LMBR1: variants seen among roughly 807,000 people sequenced by gnomAD.
The protein encoded by LMBR1 is limb region 1 protein homolog.
A neutral mutation model predicts 73.9 loss-of-function variants in LMBR1; 52 were observed. The ratio of observed to expected loss-of-function variants is 0.70; its 90% CI spans 0.56 to 0.89. LMBR1 has a LOEUF of 0.89. LMBR1 is among the 40% of genes least tolerant of loss of function. The pLI is 0.00. For missense variants in LMBR1, 539 were observed against 579.8 expected, an observed-to-expected ratio of 0.93 and a Z score of 0.72; for synonymous variants, 215 against 209.4, an observed-to-expected ratio of 1.03 and a Z score of -0.23.
At chr7:156,835,834 T>C (rs1474435707) in intron 2 of LMBR1, among the ~76,000 whole-genome samples, 1 of 152,206 alleles carries the variant, frequency 6.6e-6, no homozygotes, top group Non-Finnish European at 1.5e-5. Flanking sequence ...ACTCTAAAAA[T>C]GATCTAATAA....
rs539651459 is a variant in LMBR1, at chr7:156,792,837, AG to A, written c.423+3551del. Among the ~76,000 whole-genome samples the A allele has an allele frequency of 1.8e-4, 27 of 151,922 alleles. No homozygotes were observed. Among genetic ancestry groups the A allele is most frequent in the Non-Finnish European group, 3.7e-4 (25 of 67,946 alleles). Reference sequence around the variant, plus strand: ...TCGATTGCCCAGGGGAATCCATGGGAGTAGAGTGGGGCCATATGCCATTTAG... The same window carrying A: ...TCGATTGCCCAGGGGAATCCATGGGATAGAGTGGGGCCATATGCCATTTAG... On this transcript the variant is annotated intron_variant, in intron 5 of 16. Coordinates refer to ENST00000353442, the MANE Select transcript of LMBR1 (RefSeq NM_022458.4).
chr7:156,739,963 A>C (rs1417691458), intron 9 of LMBR1, among the ~76,000 whole-genome samples: 1 of 152,190 alleles, frequency 6.6e-6, no homozygotes, highest in Non-Finnish European at 1.5e-5. Context: ...ACAGAATTCA[A>C]AATGGCTGTT....
intron 4 of LMBR1, among the ~76,000 whole-genome samples, chr7:156,812,463 T>C (rs1833255603): frequency 6.6e-6 from 1 of 151,954 alleles, no homozygotes; most frequent in Non-Finnish European, 1.5e-5. Context: ...GGGTATCACA[T>C]GGAAGAGAAA....
chr7:156,884,123 T>C (rs1222169628), intron 1 of LMBR1, among the ~76,000 whole-genome samples: 1 of 152,220 alleles, frequency 6.6e-6, no homozygotes, highest in African/African-American at 2.4e-5. Flanking sequence ...TTGGATTTGT[T>C]TCTAATACAT....
intron 2 of LMBR1, among the ~76,000 whole-genome samples, chr7:156,835,706 A>C (rs1372283557): frequency 6.6e-6 from 1 of 152,110 alleles, no homozygotes; most frequent in Non-Finnish European, 1.5e-5. Flanking sequence ...AAAAAAAAAA[A>C]AAAAAAACAT....
At chr7:156,781,249 T>G (rs1267343560) in intron 5 of LMBR1, among the ~76,000 whole-genome samples, 1 of 152,220 alleles carries the variant, frequency 6.6e-6, no homozygotes, top group East Asian at 1.9e-4. Context: ...AACATCATAT[T>G]GCTTATGTGG....
intron 9 of LMBR1, among the ~76,000 whole-genome samples, chr7:156,744,137 G>T (rs763535665): frequency 6.6e-6 from 1 of 152,022 alleles, no homozygotes; most frequent in African/African-American, 2.4e-5. Context: ...CGAACTTCTG[G>T]GCTCGAGCGT....
chr7:156,848,743 G>A (rs558226028), intron 1 of LMBR1, among the ~76,000 whole-genome samples: 2 of 152,036 alleles, frequency 1.3e-5, no homozygotes, highest in East Asian at 1.9e-4. Context: ...AACAACCTGG[G>A]ATCATGGTGA....
chr7:156,831,275 ATTTT>A (rs10633275), intron 3 of LMBR1, among the ~76,000 whole-genome samples: 3 of 127,982 alleles, frequency 2.3e-5, no homozygotes, highest in Non-Finnish European at 3.2e-5. Context: ...CCTACCCTAG[ATTTT>A]TTTTTTTTTT....
Position 156,834,796 on chromosome 7 carries a change from T to TATATTG in LMBR1, c.140-1005_140-1004insCAATAT, listed in dbSNP as rs1837308651. Among the ~76,000 whole-genome samples the TATATTG allele has an allele frequency of 2.0e-5, 3 of 151,488 alleles. No individual in the cohort carries two copies. In the South Asian group the frequency reaches 6.3e-4, roughly 32 times the overall value. ...CCTTCTCGCTCATGCCTGTCAGCAATCTCTTTTGTCCTCCCACATAAACTT... is the reference window on the plus strand; with the variant it reads ...CCTTCTCGCTCATGCCTGTCAGCAATATATTGCTCTTTTGTCCTCCCACATAAACTT... On this transcript the variant is annotated intron_variant, in intron 2 of 16. Transcript: ENST00000353442.
At position 156,734,457 on chromosome 7, in the gene LMBR1, CCA is replaced by C. The variant is rs752357875; in HGVS notation, c.758-202_758-201del. Among the ~76,000 whole-genome samples, 134 of 152,232 alleles carry C rather than the reference CCA, an allele frequency of 8.8e-4. 1 individual carries two copies. Among genetic ancestry groups the C allele is most frequent in the Non-Finnish European group, 1.1e-3 (76 of 68,020 alleles). The stretch of plus-strand genomic sequence containing the variant: ...CTTGCTGATTAAACACTACACGTTT[CCA>C]CAGAGTGATATAATGGACTATGGAG... On this transcript the variant is annotated intron_variant, in intron 9 of 16. Coordinates refer to ENST00000353442, the MANE Select transcript of LMBR1 (RefSeq NM_022458.4).
At chr7:156,748,804 T>C (rs556816644) in intron 9 of LMBR1, among the ~76,000 whole-genome samples, 1 of 152,302 alleles carries the variant, frequency 6.6e-6, no homozygotes, top group Non-Finnish European at 1.5e-5. Flanking sequence ...GGATCATTTT[T>C]ATAGAATAAC....
intron 9 of LMBR1, among the ~76,000 whole-genome samples, chr7:156,746,443 G>A (rs1357803422): frequency 1.3e-5 from 2 of 152,186 alleles, no homozygotes; most frequent in Non-Finnish European, 2.9e-5. Context: ...TATGTTTACA[G>A]AGCTCAATAC....
chr7:156,838,305 A>G (rs1173858913), intron 1 of LMBR1, among the ~76,000 whole-genome samples: 2 of 152,162 alleles, frequency 1.3e-5, no homozygotes, highest in African/African-American at 4.8e-5. Context: ...ATGTTATACA[A>G]TAGATTTTGA....
downstream of LMBR1, among the ~76,000 whole-genome samples, chr7:156,674,134 C>T (rs952979897): frequency 6.6e-6 from 1 of 152,178 alleles, no homozygotes; most frequent in Non-Finnish European, 1.5e-5. Flanking sequence ...CAAATAACCC[C>T]CCGAATTTCA....
chr7:156,711,449 A>T (rs1812064233), intron 15 of LMBR1, among the ~76,000 whole-genome samples: 1 of 152,204 alleles, frequency 6.6e-6, no homozygotes, highest in Non-Finnish European at 1.5e-5. Flanking sequence ...TATAGATTCA[A>T]TGCAATCCCT....
chr7:156,840,219 A>G (rs1448320502), intron 1 of LMBR1, among the ~76,000 whole-genome samples: 1 of 152,228 alleles, frequency 6.6e-6, no homozygotes, highest in Non-Finnish European at 1.5e-5. Flanking sequence ...TATAGCCCTC[A>G]TGGAGCTTAC....
chr7:156,830,349 A>T (rs562703875), intron 3 of LMBR1, among the ~76,000 whole-genome samples: 5 of 152,356 alleles, frequency 3.3e-5, no homozygotes, highest in Non-Finnish European at 5.9e-5. Flanking sequence ...CAATTTTTTT[A>T]AATTAAAAAA....
chr7:156,783,699 A>G (rs1827562024), intron 5 of LMBR1, among the ~76,000 whole-genome samples: 2 of 152,046 alleles, frequency 1.3e-5, no homozygotes. Flanking sequence ...AATTCAGCTG[A>G]GCTTGACTTT....
Sources: allele counts gnomAD v4.1 joint callset (sites outside exome capture counted in the v4.1 genomes callset), GRCh38; gene constraint gnomAD v4.1.1; transcripts MANE v1.5; gene names NCBI Gene and HGNC (gene_info 2026-07-23, HGNC 2026-07-21).